COL6A5: variants seen among roughly 807,000 people sequenced by gnomAD.
COL6A5 encodes collagen alpha-5(VI) chain.
A neutral mutation model predicts 65.6 loss-of-function variants in COL6A5; 48 were observed. The observed-to-expected ratio is 0.73, with a 90% CI of 0.58 to 0.93. The LOEUF is 0.93. Among genes scored for constraint, COL6A5 ranks in the 40% least tolerant of loss-of-function variants. The pLI is 0.00. For synonymous variants in COL6A5, 291 were observed against 322.8 expected (o/e 0.90, Z 1.05); for missense variants, 914 against 928.3 (o/e 0.98, Z 0.20).
At chr3:130,451,350 C>T (rs1246177781) in intron 4 of COL6A5, among the ~76,000 whole-genome samples, 8 of 151,938 alleles carry the variant, frequency 5.3e-5, no homozygotes, top group African/African-American at 9.7e-5. Context: ...AGGGTTGGAC[C>T]GGGATGAGAG....
chr3:130,448,994 T>G (rs1709366147), intron 4 of COL6A5, among the ~76,000 whole-genome samples: 1 of 152,206 alleles, frequency 6.6e-6, no homozygotes, highest in Non-Finnish European at 1.5e-5. Flanking sequence ...TAATGGCCCT[T>G]AAATCGGTTA....
At chr3:130,479,138 G>A (rs1268922510) in intron 7 of COL6A5, among the ~76,000 whole-genome samples, 1 of 151,964 alleles carries the variant, frequency 6.6e-6, no homozygotes, top group Non-Finnish European at 1.5e-5. Context: ...AGTCGTGGGG[G>A]TGGATCCCTT....
chr3:130,435,750 G>A (rs1403369602), intron 1 of COL6A5, among the ~76,000 whole-genome samples: 1 of 152,062 alleles, frequency 6.6e-6, no homozygotes, highest in Admixed American at 6.6e-5. Flanking sequence ...TATTGTTGGT[G>A]TAAAGGGATT....
intron 20 of COL6A5, among the ~76,000 whole-genome samples, chr3:130,411,130 A>G (rs1313499985): frequency 6.6e-6 from 1 of 152,242 alleles, no homozygotes; most frequent in East Asian, 1.9e-4. Context: ...ACTTTACAGC[A>G]TCCCACGTTA....
intron 12 of COL6A5, among the ~76,000 whole-genome samples, chr3:130,402,787 CAATT>C (rs1289239486): frequency 6.6e-6 from 1 of 151,962 alleles, no homozygotes. Context: ...TACTTTATAA[CAATT>C]AAACTATACA....
At chr3:130,364,176 C>A (rs910243011) in intron 1 of COL6A5, among the ~76,000 whole-genome samples, 4 of 152,254 alleles carry the variant, frequency 2.6e-5, no homozygotes, top group African/African-American at 7.2e-5. Context: ...TGATTTTTTT[C>A]TCAAATTTTT....
At chr3:130,478,949 A>G (rs1212968928) in intron 7 of COL6A5, among the ~76,000 whole-genome samples, 1 of 152,010 alleles carries the variant, frequency 6.6e-6, no homozygotes, top group Non-Finnish European at 1.5e-5. Flanking sequence ...CCATTTCCCA[A>G]CTATTGTGAA....
intron 16 of COL6A5, 32 bp downstream of exon 16, chr3:130,406,207 T>G: frequency 6.5e-7 from 1 of 1,549,676 alleles, no homozygotes; most frequent in Non-Finnish European, 8.7e-7. Flanking sequence ...ATCATAAAAC[T>G]GTCATGAGGT....
Position 130,379,409 on chromosome 3 carries a change from T to C in COL6A5, c.668-9T>C, listed in dbSNP as rs1935907029. On this transcript the variant is annotated splice_polypyrimidine_tract_variant and intron_variant and NMD_transcript_variant, in intron 3 of 41. Transcript: ENST00000312481. ...TATACTAATCCTCACACATTTTCTG[T>C]CTGCATAGTTCACTTCCCCATATCC... 7.1e-6 allele frequency: 11 copies of C among 1,546,452 alleles called. No individual in the cohort carries two copies. Among genetic ancestry groups the C allele is most frequent in the Middle Eastern group, 1.7e-4 (1 of 5,982 alleles).
chr3:130,484,181 A>G, exon 8 of COL6A5: 4 of 805,344 alleles, frequency 5.0e-6, no homozygotes, highest in Non-Finnish European at 5.4e-6. Context: ...CAATTGGCTA[A>G]TAGCATGCTA....
At chr3:130,403,925 A>G (rs115994662) in intron 13 of COL6A5, among the ~76,000 whole-genome samples, 2,908 of 152,102 alleles carry the variant, frequency 0.019, 40 homozygotes, top group Middle Eastern at 0.031. Flanking sequence ...GCAGTTACTA[A>G]GTCTAAGTTT....
intron 5 of COL6A5, among the ~76,000 whole-genome samples, chr3:130,466,145 C>T (rs1309832144): frequency 6.6e-6 from 1 of 152,026 alleles, no homozygotes; most frequent in Non-Finnish European, 1.5e-5. Flanking sequence ...ATTTGTAGAA[C>T]ACTCCACCAA....
At chr3:130,385,033 T>C (rs1302404374) in exon 5 of COL6A5, 2 of 1,550,878 alleles carry the variant, frequency 1.3e-6, no homozygotes, top group Non-Finnish European at 8.7e-7. Context: ...AGGCTATTTT[T>C]AACATTAAGC....
chr3:130,355,059 T>A (rs892741520), intron 1 of COL6A5, among the ~76,000 whole-genome samples: 1 of 152,090 alleles, frequency 6.6e-6, no homozygotes, highest in Non-Finnish European at 1.5e-5. Flanking sequence ...ACCTTTTTTT[T>A]ACTTTTGTTA....
intron 4 of COL6A5, among the ~76,000 whole-genome samples, chr3:130,446,785 G>A (rs1709315591): frequency 2.8e-5 from 1 of 35,150 alleles, no homozygotes; most frequent in Non-Finnish European, 1.3e-4. Flanking sequence ...CGTTATAATT[G>A]TTCCAGGTTC....
intron 5 of COL6A5, among the ~76,000 whole-genome samples, chr3:130,456,829 T>G (rs1709585236): frequency 6.6e-6 from 1 of 152,020 alleles, no homozygotes; most frequent in Non-Finnish European, 1.5e-5. Context: ...GGGATAAAAT[T>G]TTTTTTCTTG....
At chr3:130,380,489 G>A (rs530463341) in intron 4 of COL6A5, among the ~76,000 whole-genome samples, 114 of 151,710 alleles carry the variant, frequency 7.5e-4, no homozygotes, top group African/African-American at 2.6e-3. Flanking sequence ...TTTCATTCAT[G>A]CACACATAGA....
chr3:130,457,326 A>G (rs944080533), intron 5 of COL6A5, among the ~76,000 whole-genome samples: 2 of 152,132 alleles, frequency 1.3e-5, no homozygotes, highest in African/African-American at 4.8e-5. Flanking sequence ...ATTTAGAAGC[A>G]TGAGCCTTTT....
rs182927288 is a variant in COL6A5 at position 130,435,087 on chromosome 3, T to G, written c.487+3138T>G. ...TATGGTTTTGGGTTTTACGTTTAAG[T>G]CTTTAATCCATCTTGAGTTGATTTT... On this transcript the variant is annotated intron_variant, in intron 1 of 7. Transcript: ENST00000512836. Among the ~76,000 whole-genome samples the G allele has an allele frequency of 6.2e-3, 942 of 152,330 alleles. 9 individuals carry two copies. Among genetic ancestry groups the G allele is most frequent in the African/African-American group, 0.022 (904 of 41,558 alleles).
Sources: allele counts gnomAD v4.1 joint callset (sites outside exome capture counted in the v4.1 genomes callset), GRCh38; gene constraint gnomAD v4.1.1; transcripts MANE v1.5; gene names NCBI Gene and HGNC (gene_info 2026-07-23, HGNC 2026-07-21).